MYH10: variants seen among roughly 807,000 people sequenced by gnomAD.
MYH10 encodes myosin-10.
MYH10 carries 55 observed loss-of-function variants against 257.8 expected under a neutral mutation model. The observed-to-expected ratio is 0.21, with a 90% confidence interval of 0.17 to 0.27. MYH10 has a LOEUF of 0.27. MYH10 is among the 10% of genes least tolerant of loss of function. The pLI, the probability that MYH10 is intolerant of heterozygous loss-of-function variation, is 1.00. For missense variants in MYH10, 1,631 were observed against 2,500.6 expected (o/e 0.65, Z 7.42); for synonymous variants, 854 against 921.7 (o/e 0.93, Z 1.33).
chr17:8,567,400 G>T (rs555542121), intron 7 of MYH10, among the ~76,000 whole-genome samples: 3 of 152,294 alleles, frequency 2.0e-5, no homozygotes, highest in African/African-American at 7.2e-5. Flanking sequence ...AATATTCCAA[G>T]AAAATACATC....
chr17:8,517,598 C>A (rs556353351), intron 21 of MYH10, among the ~76,000 whole-genome samples: 1 of 152,224 alleles, frequency 6.6e-6, no homozygotes, highest in Non-Finnish European at 1.5e-5. Flanking sequence ...ACTTTTCTCT[C>A]GTTCTCCACC....
chr17:8,625,270 T>C (rs904634177), intron 1 of MYH10, among the ~76,000 whole-genome samples: 7 of 151,920 alleles, frequency 4.6e-5, no homozygotes, highest in Middle Eastern at 3.2e-3. Context: ...CAAAAATAAA[T>C]TTAAAAAAAT....
rs116520872 is a variant in MYH10 at position 8,549,484 on chromosome 17, C to T, written c.920-697G>A. On this transcript the variant is annotated intron_variant, in intron 9 of 42. Transcript: ENST00000360416. Reference sequence around the variant, plus strand: ...AGCCAAAGAATATTTCTCAGGAGTGCTCAAAATAGCAGGGCTATTTATCGT... The same window carrying T: ...AGCCAAAGAATATTTCTCAGGAGTGTTCAAAATAGCAGGGCTATTTATCGT... 4.8e-3 allele frequency among the ~76,000 whole-genome samples: 727 copies of T among 152,282 alleles called. 5 individuals are homozygous for T. Among genetic ancestry groups the T allele is most frequent in the African/African-American group, 0.017 (690 of 41,554 alleles).
chr17:8,539,045 C>T (rs1184179649), intron 14 of MYH10, among the ~76,000 whole-genome samples: 1 of 152,084 alleles, frequency 6.6e-6, no homozygotes, highest in Non-Finnish European at 1.5e-5. Flanking sequence ...CCAGTTTGGC[C>T]ATTTCTTATG....
At chr17:8,501,556 A>G (rs1818560247) in intron 28 of MYH10, among the ~76,000 whole-genome samples, 1 of 152,218 alleles carries the variant, frequency 6.6e-6, no homozygotes, top group African/African-American at 2.4e-5. Context: ...GCAGTGTAAC[A>G]AAGCAAGACT....
chr17:8,499,657 A>C (rs1308845708), intron 29 of MYH10, among the ~76,000 whole-genome samples, 181 bp from the exon 30 acceptor site: 2 of 152,208 alleles, frequency 1.3e-5, no homozygotes, highest in African/African-American at 4.8e-5. Context: ...CGTAAGGAAC[A>C]CACGCGTACA....
At chr17:8,576,167 T>A (rs560873896) in intron 6 of MYH10, among the ~76,000 whole-genome samples, 2 of 152,276 alleles carry the variant, frequency 1.3e-5, no homozygotes, top group South Asian at 4.1e-4. Context: ...ATATTAAATA[T>A]AATTGGGCCT....
At chr17:8,476,071 T>C (rs1912545029) in intron 42 of MYH10, 123 bp from the exon 43 acceptor site, 5 of 1,148,136 alleles carry the variant, frequency 4.4e-6, no homozygotes, top group Non-Finnish European at 6.0e-6. Flanking sequence ...CACACGACCT[T>C]GTGGGGGTGG....
rs779902696 is a variant in MYH10, at chr17:8,493,022, C to G, written c.4212G>C (p.Leu1404Phe). Residue 1404 changes from leucine (L) to phenylalanine (F), a missense_variant and splice_region_variant, in exon 33 of 43, where the codon TTG becomes TTC. Leu to Phe is a conservative substitution (Grantham distance 22). Around this residue, in one of 11 missense-constraint regions of MYH10, gnomAD observed 463 missense variants for 621.8 expected, o/e 0.74. Transcript: ENST00000360416. ...CATCTACTTTCTTCTTGGTATCAGC[C>G]AACTAGGTTTTGTGTACGGACAAAC... Reference protein sequence around the residue: ...EKQVLALQSQLADTKKKVDDD... With the variant: ...EKQVLALQSQFADTKKKVDDD... 4 of 1,612,678 alleles carry G rather than the reference C, an allele frequency of 2.5e-6. No individual in the cohort carries two copies. In the Admixed American group the frequency reaches 5.0e-5, roughly 20 times the overall value.
chr17:8,492,558 A>G (rs1279902189), intron 33 of MYH10, 49 bp from the exon 34 acceptor site: 14 of 1,549,086 alleles, frequency 9.0e-6, no homozygotes, highest in Non-Finnish European at 1.2e-5. Context: ...CAGTGACATC[A>G]ACTTTTCTCT....
chr17:8,565,085 T>G (rs2083121991), intron 7 of MYH10, among the ~76,000 whole-genome samples: 1 of 152,218 alleles, frequency 6.6e-6, no homozygotes, highest in African/African-American at 2.4e-5. Flanking sequence ...ACTGGGTGAT[T>G]TCATAATACC....
intron 21 of MYH10, among the ~76,000 whole-genome samples, chr17:8,516,298 T>C (rs1271047987): frequency 1.3e-5 from 2 of 152,236 alleles, no homozygotes; most frequent in Non-Finnish European, 2.9e-5. Flanking sequence ...CTCAAGTTCA[T>C]GGATTTCTGT....
chr17:8,579,574 T>A (rs553336755), intron 4 of MYH10, among the ~76,000 whole-genome samples: 1 of 152,280 alleles, frequency 6.6e-6, no homozygotes, highest in South Asian at 2.1e-4. Context: ...TTTATAAGAC[T>A]ATTTCCTATG....
chr17:8,570,451 T>G (rs2083297867), intron 6 of MYH10, among the ~76,000 whole-genome samples: 1 of 152,168 alleles, frequency 6.6e-6, no homozygotes, highest in Admixed American at 6.6e-5. Context: ...TAAAACAGAT[T>G]TTACAAACAA....
At chr17:8,574,908 C>T (rs935737660) in intron 6 of MYH10, among the ~76,000 whole-genome samples, 2 of 152,184 alleles carry the variant, frequency 1.3e-5, no homozygotes, top group African/African-American at 2.4e-5. Flanking sequence ...GTGACCATTC[C>T]GTACGGTGCT....
At chr17:8,530,113 A>C (rs2081968132) in intron 17 of MYH10, among the ~76,000 whole-genome samples, 1 of 152,254 alleles carries the variant, frequency 6.6e-6, no homozygotes, top group Admixed American at 6.5e-5. Context: ...AACAAAAGGT[A>C]TAATGATGAG....
Position 8,535,636 on chromosome 17 carries a change from T to C in MYH10, c.1779+122A>G. On this transcript the variant is annotated intron_variant, in intron 15 of 42. Transcript: ENST00000360416. This position sits in a 1 kb window ranked among gnomAD's most constrained non-coding sequence, Gnocchi z 4.3. ...TGGGCTGTCTGAAAGACAATATGTTTGTAATATATACTGTATTTGTTTATA... is the reference window on the plus strand; with the variant it reads ...TGGGCTGTCTGAAAGACAATATGTTCGTAATATATACTGTATTTGTTTATA... The C allele has an allele frequency of 2.4e-6, 3 of 1,235,090 alleles. No individual in the cohort carries two copies. The highest frequency in any genetic ancestry group is 1.4e-5 in the South Asian group (1 of 69,144). 76.5% of individuals were successfully genotyped at this position (1,235,090 alleles called of 1,614,324 possible).
At chr17:8,479,554 A>C (rs925631383) in intron 40 of MYH10, among the ~76,000 whole-genome samples, 29 of 152,296 alleles carry the variant, frequency 1.9e-4, no homozygotes, top group African/African-American at 6.0e-4. Context: ...TCTGGCCGCG[A>C]GCCCTGCATT....
At position 8,484,215 on chromosome 17, in the gene MYH10, C is replaced by G; in HGVS notation, c.5098G>C (p.Asp1700His). 6.2e-7 allele frequency: 1 copy of G among 1,613,066 alleles called. No individual in the cohort carries two copies. The change falls in exon 37 of 43, where the codon GAT becomes CAT. Residue 1700 changes from aspartate (D) to histidine (H), a missense_variant. This residue lies in a region of MYH10 where 463 missense variants were observed against 621.8 expected (regional missense o/e 0.74). Coordinates refer to ENST00000360416, the MANE Select transcript of MYH10 (RefSeq NM_001256012.3). ...RELEEARASR[D>H]EIFAQSKESE... ...TCTTTGGATTGAGCAAAAATCTCAT[C>G]TCTGGATGCACGAGCTTCTTCTAAT...
Sources: allele counts gnomAD v4.1 joint callset (sites outside exome capture counted in the v4.1 genomes callset), GRCh38; gene constraint gnomAD v4.1.1; regional missense constraint gnomAD v4.1.1; non-coding constraint Gnocchi (gnomAD v3.1); transcripts MANE v1.5; gene names NCBI Gene and HGNC (gene_info 2026-07-23, HGNC 2026-07-21).